The following EPM2A variants were observed in gnomAD, a reference collection of about 807,000 sequenced individuals.
EPM2A encodes the protein EPM2A glucan phosphatase, laforin.
EPM2A carries 21 observed loss-of-function variants against 26.5 expected under a neutral mutation model. The ratio of observed to expected loss-of-function variants is 0.79; its 90% CI spans 0.56 to 1.14. The LOEUF (loss-of-function observed/expected upper bound fraction) is 1.14, where lower values mean the gene tolerates loss of function less well. EPM2A is among the 50% of genes most tolerant of loss of function. The pLI is 0.00. For synonymous variants in EPM2A, 217 were observed against 177.6 expected (o/e 1.22, Z -1.76); for missense variants, 458 against 440.8 (o/e 1.04, Z -0.35).
intron 1 of EPM2A, among the ~76,000 whole-genome samples, chr6:145,697,451 G>A (rs574127151): frequency 6.6e-6 from 1 of 152,270 alleles, no homozygotes; most frequent in South Asian, 2.1e-4. Flanking sequence ...CATTGTCAAT[G>A]ATAACATCTT....
intron 2 of EPM2A, among the ~76,000 whole-genome samples, chr6:145,677,897 A>G (rs1441881203): frequency 2.0e-5 from 3 of 152,152 alleles, no homozygotes; most frequent in Non-Finnish European, 4.4e-5. Context: ...CAAGCTACCA[A>G]TGACTTTCTT....
chr6:145,492,571 C>A (rs1445477208), intron 4 of EPM2A, among the ~76,000 whole-genome samples: 2 of 151,826 alleles, frequency 1.3e-5, no homozygotes, highest in Non-Finnish European at 2.9e-5. Context: ...CAGGAAAAAT[C>A]AGGTCAGATG....
intron 1 of EPM2A, among the ~76,000 whole-genome samples, chr6:145,698,893 A>C (rs1209050313): frequency 6.6e-6 from 1 of 152,188 alleles, no homozygotes; most frequent in African/African-American, 2.4e-5. Context: ...CACCGTAAGG[A>C]TACAGGCAGA....
At chr6:145,509,321 A>G (rs1780021297) in intron 2 of EPM2A, among the ~76,000 whole-genome samples, 1 of 152,190 alleles carries the variant, frequency 6.6e-6, no homozygotes, top group Non-Finnish European at 1.5e-5. Flanking sequence ...AAAAAAGAAA[A>G]TCTTAAAGAC....
At chr6:145,624,730 A>G (rs1775710010), downstream of EPM2A, among the ~76,000 whole-genome samples, 1 of 152,084 alleles carries the variant, frequency 6.6e-6, no homozygotes, top group South Asian at 2.1e-4. Context: ...TTCATTTCCT[A>G]TTTCCTAACT....
chr6:145,501,931 C>T, intron 3 of EPM2A: 1 of 463,734 alleles, frequency 2.2e-6, no homozygotes, highest in Admixed American at 2.4e-5. Context: ...AAGGCTTAGA[C>T]TGGAAGACTT....
At chr6:145,605,292 C>G (rs763881231) in intron 2 of EPM2A, among the ~76,000 whole-genome samples, 2 of 152,126 alleles carry the variant, frequency 1.3e-5, no homozygotes, top group Non-Finnish European at 2.9e-5. Context: ...TACTTGGTAA[C>G]TAAAGCATCC....
chr6:145,491,870 C>T (rs1188514362), intron 4 of EPM2A: 1 of 512,566 alleles, frequency 2.0e-6, no homozygotes, highest in African/African-American at 2.0e-5. Flanking sequence ...TTACCAACAA[C>T]TTCTATCTCC....
intron 4 of EPM2A, among the ~76,000 whole-genome samples, chr6:145,386,571 CT>C (rs144797407): frequency 0.012 from 1,869 of 151,898 alleles, 24 homozygotes; most frequent in African/African-American, 0.041. Flanking sequence ...AAATTCAAAA[CT>C]TTTTTTTAAA....
intron 4 of EPM2A, among the ~76,000 whole-genome samples, chr6:145,412,673 T>G (rs1489957985): frequency 6.6e-6 from 1 of 152,224 alleles, no homozygotes; most frequent in East Asian, 1.9e-4. Context: ...ACTGAGGGAT[T>G]GAACAAGTGG....
intron 1 of EPM2A, among the ~76,000 whole-genome samples, chr6:145,732,761 G>T (rs942932744): frequency 1.3e-5 from 2 of 152,098 alleles, no homozygotes; most frequent in Non-Finnish European, 2.9e-5. Flanking sequence ...TTATTTCCTT[G>T]TTTACGAGTC....
chr6:145,564,982 G>A (rs1266453880), intron 2 of EPM2A, among the ~76,000 whole-genome samples: 9 of 152,090 alleles, frequency 5.9e-5, no homozygotes, highest in Admixed American at 2.6e-4. Flanking sequence ...CTGTCAGTGG[G>A]CATCTCTGAA....
chr6:145,714,129 G>C (rs1238687486), intron 1 of EPM2A, among the ~76,000 whole-genome samples: 1 of 152,114 alleles, frequency 6.6e-6, no homozygotes, highest in Non-Finnish European at 1.5e-5. Context: ...ATTTTGGAAT[G>C]GCAAAAATGT....
At chr6:145,441,087 T>C (rs1279938608) in intron 4 of EPM2A, among the ~76,000 whole-genome samples, 3 of 152,228 alleles carry the variant, frequency 2.0e-5, no homozygotes, top group Admixed American at 1.3e-4. Flanking sequence ...AATCTCTGCC[T>C]GGGCATCCAG....
intron 4 of EPM2A, among the ~76,000 whole-genome samples, chr6:145,420,176 T>TCAC (rs1278116022): frequency 3.9e-5 from 6 of 152,052 alleles, no homozygotes; most frequent in African/African-American, 9.7e-5. Context: ...CACATGTAAA[T>TCAC]CACCACCACC....
chr6:145,719,475 G>T (rs1438738960), intron 1 of EPM2A, among the ~76,000 whole-genome samples: 2 of 148,014 alleles, frequency 1.4e-5, no homozygotes, highest in South Asian at 2.2e-4. Flanking sequence ...ACTGTTGTGG[G>T]GTTGGGGGAG....
At chr6:145,672,638 A>G (rs563710943) in intron 2 of EPM2A, among the ~76,000 whole-genome samples, 1 of 152,252 alleles carries the variant, frequency 6.6e-6, no homozygotes, top group Admixed American at 6.5e-5. Context: ...TCCTAGCAAA[A>G]GACGAGGTTT....
chr6:145,690,396 G>T (rs1280323863), intron 1 of EPM2A, among the ~76,000 whole-genome samples: 2 of 151,388 alleles, frequency 1.3e-5, no homozygotes, highest in African/African-American at 4.9e-5. Context: ...TGTAGTCCCA[G>T]CTACTCGGGA....
intron 4 of EPM2A, among the ~76,000 whole-genome samples, chr6:145,438,011 G>T (rs1779010694): frequency 6.6e-6 from 1 of 152,190 alleles, no homozygotes; most frequent in Admixed American, 6.5e-5. Context: ...TTTGTGGCAG[G>T]TTTGCTTCAT....
Sources: allele counts gnomAD v4.1 joint callset (sites outside exome capture counted in the v4.1 genomes callset), GRCh38; gene constraint gnomAD v4.1.1; transcripts MANE v1.5; gene names NCBI Gene and HGNC (gene_info 2026-07-23, HGNC 2026-07-21).